Variants in ERBB4 observed in about 807,000 individuals in gnomAD.
ERBB4 encodes erb-b2 receptor tyrosine kinase 4, also known as receptor tyrosine-protein kinase erbB-4.
In ERBB4, 42 loss-of-function variants were observed where a neutral mutation model predicts 158.0. The ratio of observed to expected loss-of-function variants is 0.27; its 90% confidence interval spans 0.21 to 0.34. ERBB4 has a LOEUF of 0.34. Among genes scored for constraint, ERBB4 ranks in the 10% least tolerant of loss-of-function variants. The probability of loss-of-function intolerance (pLI) is 1.00; values close to 1 mark genes in which losing one functional copy is unlikely to be tolerated. For synonymous variants in ERBB4, 583 were observed against 558.7 expected (o/e 1.04, Z -0.61); for missense variants, 1,333 against 1,624.1 (o/e 0.82, Z 3.08).
intron 1 of ERBB4, among the ~76,000 whole-genome samples, chr2:212,238,700 G>A (rs1442127176): frequency 1.3e-5 from 2 of 152,102 alleles, no homozygotes; most frequent in Admixed American, 1.3e-4. Context: ...AGAACCATGA[G>A]TAATAAGAAA....
At chr2:211,542,492 C>T (rs898497612) in intron 20 of ERBB4, among the ~76,000 whole-genome samples, 5 of 151,950 alleles carry the variant, frequency 3.3e-5, no homozygotes, top group African/African-American at 1.2e-4. Flanking sequence ...AGGCTCTTTT[C>T]TATGGCTCTG....
chr2:211,725,280 CCT>C (rs1380986034), intron 5 of ERBB4, 86 bp from the exon 6 acceptor site: 1 of 1,001,080 alleles, frequency 1.0e-6, no homozygotes, highest in Non-Finnish European at 1.6e-6. Context: ...AATTTCTCAC[CCT>C]GTCTTTGACT....
intron 1 of ERBB4, among the ~76,000 whole-genome samples, chr2:212,195,175 C>T (rs1559716739): frequency 6.6e-6 from 1 of 151,820 alleles, no homozygotes; most frequent in Non-Finnish European, 1.5e-5. Flanking sequence ...TAACAGGATC[C>T]TCATTTGTCA....
At chr2:211,630,438 G>C (rs982292479) in intron 17 of ERBB4, 24 bp downstream of exon 17, 2 of 1,612,266 alleles carry the variant, frequency 1.2e-6, no homozygotes, top group African/African-American at 1.3e-5. Flanking sequence ...CCAAACACAT[G>C]AAGAGGAGAA....
chr2:211,830,443 CG>C (rs1476546426), intron 3 of ERBB4, among the ~76,000 whole-genome samples: 2 of 151,882 alleles, frequency 1.3e-5, no homozygotes, highest in Non-Finnish European at 2.9e-5. Flanking sequence ...CTTTTTATTT[CG>C]TACCACTTCT....
intron 1 of ERBB4, among the ~76,000 whole-genome samples, chr2:212,155,125 G>A (rs943534183): frequency 5.9e-5 from 9 of 152,206 alleles, no homozygotes; most frequent in African/African-American, 2.2e-4. Context: ...CACTTGCTAC[G>A]CTTTAGTGAT....
intron 2 of ERBB4, among the ~76,000 whole-genome samples, chr2:212,054,723 T>G (rs888510320): frequency 2.0e-5 from 3 of 152,162 alleles, no homozygotes; most frequent in Non-Finnish European, 4.4e-5. Context: ...AGATGCTTTT[T>G]CTGGAAGATG....
intron 3 of ERBB4, among the ~76,000 whole-genome samples, chr2:211,895,434 T>G (rs2079072547): frequency 6.6e-6 from 1 of 152,100 alleles, no homozygotes; most frequent in Non-Finnish European, 1.5e-5. Flanking sequence ...ATTTTTAAGT[T>G]TTTGAAGAGA....
intron 2 of ERBB4, among the ~76,000 whole-genome samples, chr2:212,003,181 GAAAGAAAGAAAGAAAGAAAGAAAGACA>G (rs1559293045): frequency 7.3e-4 from 40 of 55,148 alleles, no homozygotes; most frequent in Non-Finnish European, 1.5e-3. Context: ...AAGAAAGAAA[GAAAGAAAGAAAGAAAGAAAGAAAGACA>G]GAAAGAAGGA....
At position 211,947,592 on chromosome 2, in the gene ERBB4, C is replaced by T. The variant is rs143662416; in HGVS notation, c.259G>A (p.Val87Met). ...LRSVREVTGY[V>M]LVALNQFRYL... ...CGAAACTGATTAAGAGCCACTAACACGTAGCCTGTGACTTCTCGAACAGAC... is the reference window on the plus strand; with the variant it reads ...CGAAACTGATTAAGAGCCACTAACATGTAGCCTGTGACTTCTCGAACAGAC... The change falls in exon 3 of 28, where the codon GTG (valine) becomes ATG (methionine). Residue 87 changes from valine to methionine, a missense_variant. By Grantham distance (21) the Val-to-Met change is conservative. This residue lies in a region of ERBB4 where 438 missense variants were observed against 586.9 expected (regional missense o/e 0.75). Transcript: ENST00000342788. The T allele has an allele frequency of 1.2e-5, 20 of 1,613,696 alleles. No individual in the cohort carries two copies. The highest frequency in any genetic ancestry group is 1.6e-5 in the Non-Finnish European group (19 of 1,179,856).
At chr2:212,524,294 T>TCTAC (rs1692328916) in intron 1 of ERBB4, among the ~76,000 whole-genome samples, 1 of 152,058 alleles carries the variant, frequency 6.6e-6, no homozygotes, top group Admixed American at 6.6e-5. Context: ...CCTCTCCTTA[T>TCTAC]CTACCACAAA....
At chr2:212,218,938 C>T (rs2083194438) in intron 1 of ERBB4, among the ~76,000 whole-genome samples, 3 of 151,300 alleles carry the variant, frequency 2.0e-5, no homozygotes, top group African/African-American at 7.3e-5. Flanking sequence ...GAACTTTTAT[C>T]CTTGAATGTA....
intron 2 of ERBB4, among the ~76,000 whole-genome samples, chr2:212,053,565 C>T (rs115389616): frequency 6.6e-6 from 1 of 152,156 alleles, no homozygotes; most frequent in South Asian, 2.1e-4. Context: ...AAAAATGCCT[C>T]CATGATTGTG....
At chr2:211,799,085 C>T (rs2076443868) in intron 3 of ERBB4, among the ~76,000 whole-genome samples, 1 of 152,088 alleles carries the variant, frequency 6.6e-6, no homozygotes, top group African/African-American at 2.4e-5. Flanking sequence ...CTGTCACTAC[C>T]ACTGTGCTTC....
intron 18 of ERBB4, among the ~76,000 whole-genome samples, chr2:211,623,705 A>T (rs2069724418): frequency 1.3e-5 from 2 of 152,150 alleles, no homozygotes; most frequent in Admixed American, 1.3e-4. Context: ...GCTTTGTATC[A>T]GAGTTTCTTG....
chr2:212,017,250 A>C (rs1460838223), intron 2 of ERBB4, among the ~76,000 whole-genome samples: 3 of 152,140 alleles, frequency 2.0e-5, no homozygotes, highest in African/African-American at 7.2e-5. Flanking sequence ...TTTATTCTTA[A>C]AAAATAAGTG....
intron 1 of ERBB4, among the ~76,000 whole-genome samples, chr2:212,270,707 T>C (rs1286119674): frequency 6.6e-6 from 1 of 151,750 alleles, no homozygotes; most frequent in Non-Finnish European, 1.5e-5. Context: ...CTGATTTCCC[T>C]GAGGTTCTTA....
In ERBB4 at chr2:211,491,141, C is replaced by G. The variant is rs185205924; in HGVS notation, c.2488-60041G>C. On this transcript the variant is annotated intron_variant, in intron 20 of 27. Coordinates refer to ENST00000342788, the MANE Select transcript of ERBB4 (RefSeq NM_005235.3). ...TGTTGACATAAAAGGGAAGATTTAT[C>G]AAAGACTGATTCTGAAAAACTGATC... 3.0e-4 allele frequency among the ~76,000 whole-genome samples: 46 copies of G among 152,138 alleles called. No homozygotes were observed. In the East Asian group the frequency reaches 6.9e-3, roughly 23 times the overall value.
At chr2:211,951,049 AG>A (rs2080861647) in intron 2 of ERBB4, among the ~76,000 whole-genome samples, 1 of 152,204 alleles carries the variant, frequency 6.6e-6, no homozygotes. Context: ...ATAATTATTT[AG>A]TGATTAGATC....
Sources: allele counts gnomAD v4.1 joint callset (sites outside exome capture counted in the v4.1 genomes callset), GRCh38; gene constraint gnomAD v4.1.1; regional missense constraint gnomAD v4.1.1; transcripts MANE v1.5; gene names NCBI Gene and HGNC (gene_info 2026-07-23, HGNC 2026-07-21).